The following COMT variants were observed in gnomAD, a reference collection of about 807,000 sequenced individuals.
COMT encodes the protein catechol-O-methyltransferase.
A neutral mutation model predicts 18.9 loss-of-function variants in COMT; 13 were observed. The observed-to-expected ratio is 0.69, with a 90% CI of 0.45 to 1.09. The LOEUF is 1.09. COMT is among the 50% of genes least tolerant of loss of function. COMT has a pLI of 0.00. For missense variants in COMT, 329 were observed against 361.8 expected (o/e 0.91, Z 0.73); for synonymous variants, 150 against 160.9 (o/e 0.93, Z 0.51).
chr22:19,941,831 G>T lies in COMT; in HGVS notation c.-158G>T, dbSNP rs1941733329. 3 of 1,500,010 alleles carry T rather than the reference G, an allele frequency of 2.0e-6. No homozygotes were observed. Among genetic ancestry groups the T allele is most frequent in the Non-Finnish European group, 8.8e-7 (1 of 1,134,388 alleles). 92.9% of individuals were successfully genotyped at this position (1,500,010 alleles called of 1,614,324 possible). ...TCGTGGGGCTTCTGGGGCAGCTAGG[G>T]CTGCCCGCCGCGCTGCCTGCGCCGG... On this transcript the variant is annotated 5_prime_UTR_variant, in exon 1 of 6. Coordinates refer to ENST00000361682, the MANE Select transcript of COMT (RefSeq NM_000754.4).
At chr22:19,953,893 G>A (rs1050941171) in intron 1 of COMT, among the ~76,000 whole-genome samples, 3 of 152,248 alleles carry the variant, frequency 2.0e-5, no homozygotes, top group Non-Finnish European at 2.9e-5. Context: ...AGGCAGAATC[G>A]GATGTGACCA....
chr22:19,953,573 G>C (rs980991132), intron 1 of COMT, among the ~76,000 whole-genome samples: 1 of 152,148 alleles, frequency 6.6e-6, no homozygotes, highest in Non-Finnish European at 1.5e-5. Flanking sequence ...GATTACAGGC[G>C]TGAGCCACTG....
At chr22:19,959,714 T>C (rs1601523365) in intron 1 of COMT, among the ~76,000 whole-genome samples, 2 of 152,366 alleles carry the variant, frequency 1.3e-5, no homozygotes, top group African/African-American at 4.8e-5. Context: ...CCTTGTGAGG[T>C]GGCCGTGGGC....
Position 19,969,114 on chromosome 22 carries a change from C to T in COMT, c.*378C>T, listed in dbSNP as rs896155299. 16 of 224,280 alleles carry T rather than the reference C, an allele frequency of 7.1e-5. No homozygotes were observed. Among genetic ancestry groups the T allele is most frequent in the East Asian group, 2.5e-4 (2 of 7,872 alleles). The allele number at this position is 224,280 out of a possible 1,614,324, so 13.9% of individuals were successfully genotyped here. A position where few individuals can be genotyped will look rare whatever the true frequency, so the allele number is the denominator to read the frequency against. ...AACATTCAAAGCTCCCCTTGACGGA[C>T]GCTAACGCTAAGGGCGGGGCCCCTA... On this transcript the variant is annotated 3_prime_UTR_variant, in exon 6 of 6. Coordinates refer to ENST00000361682, the MANE Select transcript of COMT (RefSeq NM_000754.4).
intron 5 of COMT, among the ~76,000 whole-genome samples, chr22:19,966,608 T>G (rs1287479373): frequency 6.6e-6 from 1 of 151,836 alleles, no homozygotes; most frequent in African/African-American, 2.4e-5. Flanking sequence ...ACCTGGCTAA[T>G]TTAAAAATTT....
chr22:19,967,209 CCT>C (rs1328773384), intron 5 of COMT: 39 of 1,304,798 alleles, frequency 3.0e-5, no homozygotes, highest in Non-Finnish European at 3.9e-5. Context: ...CTTCTGTATC[CCT>C]GATGACCAGA....
intron 1 of COMT, among the ~76,000 whole-genome samples, chr22:19,957,428 A>G (rs1942088820): frequency 6.6e-6 from 1 of 151,744 alleles, no homozygotes; most frequent in African/African-American, 2.4e-5. Flanking sequence ...TAAAGAAATA[A>G]AATAAAGGCA....
chr22:19,964,114 G>A, intron 4 of COMT, 54 bp from the exon 5 acceptor site: 1 of 1,613,692 alleles, frequency 6.2e-7, no homozygotes, highest in Non-Finnish European at 8.5e-7. Flanking sequence ...GTATAGGTGT[G>A]TAGGGATGGC....
chr22:19,967,640 C>T (rs1185995124), intron 5 of COMT: 2 of 309,684 alleles, frequency 6.5e-6, no homozygotes, highest in Admixed American at 4.6e-5. Flanking sequence ...GGTCGGATAC[C>T]AGTGTTTCAA....
chr22:19,960,502 G>A (rs1335624229), intron 1 of COMT, among the ~76,000 whole-genome samples: 1 of 152,224 alleles, frequency 6.6e-6, no homozygotes, highest in Non-Finnish European at 1.5e-5. Flanking sequence ...CCTTAGGGAA[G>A]CACCATCTCT....
intron 1 of COMT, among the ~76,000 whole-genome samples, chr22:19,952,393 A>G (rs1023289491): frequency 3.3e-5 from 5 of 152,212 alleles, no homozygotes; most frequent in African/African-American, 1.2e-4. Context: ...TAATCCCAGC[A>G]CTTTGGGAGG....
At position 19,962,769 on chromosome 22, in the gene COMT, C is replaced by T. The variant is rs1601527404; in HGVS notation, c.243C>T (p.Thr81=). The part of the protein sequence containing the change: ...NAQSVLEAID[T]YCEQKEWAMN... ...AGAGCGTGCTGGAGGCCATTGACAC[C>T]TACTGCGAGCAGAAGGAGTGGGCCA... is the stretch of plus-strand genomic sequence containing the variant. The change falls in exon 3 of 6, where the codon ACC becomes ACT. Residue 81 remains threonine (T), a synonymous_variant. Coordinates refer to ENST00000361682, the MANE Select transcript of COMT (RefSeq NM_000754.4). 12 of 1,610,876 alleles carry T rather than the reference C, an allele frequency of 7.4e-6. No homozygotes were observed. Among genetic ancestry groups the T allele is most frequent in the South Asian group, 1.1e-5 (1 of 91,050 alleles).
intron 1 of COMT, among the ~76,000 whole-genome samples, chr22:19,960,720 C>A (rs1458446194): frequency 6.6e-6 from 1 of 152,260 alleles, no homozygotes; most frequent in Non-Finnish European, 1.5e-5. Flanking sequence ...GGGGCTCTGG[C>A]CTTTGGCCTT....
intron 5 of COMT, chr22:19,966,946 T>G: frequency 1.0e-6 from 1 of 985,344 alleles, no homozygotes; most frequent in Non-Finnish European, 1.2e-6. Flanking sequence ...GGCATTAGAT[T>G]TTCAGTCCTG....
chr22:19,966,163 A>G (rs1942377566), intron 5 of COMT, among the ~76,000 whole-genome samples: 1 of 152,222 alleles, frequency 6.6e-6, no homozygotes, highest in Non-Finnish European at 1.5e-5. Flanking sequence ...GGAAGTCATG[A>G]ATTGGGAATG....
chr22:19,959,884 C>A (rs1942154649), intron 1 of COMT, among the ~76,000 whole-genome samples: 1 of 151,220 alleles, frequency 6.6e-6, no homozygotes. Flanking sequence ...GGCTCTTGGC[C>A]ATTGGACCCC....
At chr22:19,952,633 C>T (rs1380424145) in intron 1 of COMT, among the ~76,000 whole-genome samples, 2 of 147,964 alleles carry the variant, frequency 1.4e-5, no homozygotes, top group Non-Finnish European at 3.0e-5. Flanking sequence ...AGCAAGACTC[C>T]GTCTCAAAAC....
At chr22:19,943,192 CCT>C (rs914840093) in intron 1 of COMT, among the ~76,000 whole-genome samples, 30 of 152,280 alleles carry the variant, frequency 2.0e-4, no homozygotes, top group African/African-American at 7.0e-4. Flanking sequence ...CAGCACTCCC[CCT>C]GTGCAAGAAG....
intron 1 of COMT, among the ~76,000 whole-genome samples, chr22:19,956,123 T>TC (rs1187222372): frequency 2.1e-5 from 3 of 144,406 alleles, no homozygotes; most frequent in East Asian, 2.0e-4. Context: ...TTTCTTTCTT[T>TC]TTTTTCTTTT....
Sources: allele counts gnomAD v4.1 joint callset (sites outside exome capture counted in the v4.1 genomes callset), GRCh38; gene constraint gnomAD v4.1.1; transcripts MANE v1.5; gene names NCBI Gene and HGNC (gene_info 2026-07-23, HGNC 2026-07-21).